The following OPCML variants were observed in gnomAD, a reference collection of about 807,000 sequenced individuals.
OPCML encodes the protein opioid binding protein/cell adhesion molecule like, also known as opioid-binding protein/cell adhesion molecule.
In OPCML, 13 loss-of-function variants were observed where a neutral mutation model predicts 37.8. The ratio of observed to expected loss-of-function variants is 0.34; its 90% confidence interval spans 0.22 to 0.55. OPCML has a LOEUF of 0.55. Among genes scored for constraint, OPCML ranks in the 20% least tolerant of loss-of-function variants. The pLI is 0.91. For missense variants in OPCML, 341 were observed against 435.6 expected, an observed-to-expected ratio of 0.78 and a Z score of 1.93; for synonymous variants, 176 against 168.8, an observed-to-expected ratio of 1.04 and a Z score of -0.33.
chr11:133,142,701 T>C (rs1949840732), intron 1 of OPCML, among the ~76,000 whole-genome samples: 1 of 151,996 alleles, frequency 6.6e-6, no homozygotes, highest in South Asian at 2.1e-4. Flanking sequence ...CACTGAATGG[T>C]TGATAAATAA....
chr11:133,460,174 A>G (rs1946826663), intron 1 of OPCML, among the ~76,000 whole-genome samples: 1 of 151,988 alleles, frequency 6.6e-6, no homozygotes, highest in African/African-American at 2.4e-5. Context: ...ACAAAAATAA[A>G]TCATGACATA....
intron 2 of OPCML, among the ~76,000 whole-genome samples, chr11:132,785,267 A>T (rs1032732965): frequency 6.6e-6 from 1 of 152,206 alleles, no homozygotes; most frequent in Non-Finnish European, 1.5e-5. Flanking sequence ...GAGCAGTTCC[A>T]GGCAACAGGG....
intron 1 of OPCML, among the ~76,000 whole-genome samples, chr11:133,283,269 T>C (rs1942209470): frequency 6.6e-6 from 1 of 152,168 alleles, no homozygotes; most frequent in African/African-American, 2.4e-5. Flanking sequence ...GGGCAGATCC[T>C]GCATGAATGG....
intron 1 of OPCML, chr11:133,008,338 G>C: frequency 1.0e-6 from 1 of 985,380 alleles, no homozygotes; most frequent in South Asian, 4.7e-5. Context: ...AAATGGGAAA[G>C]AGACCTGAAA....
intron 2 of OPCML, among the ~76,000 whole-genome samples, chr11:132,678,154 A>G (rs1005595007): frequency 7.9e-5 from 12 of 152,236 alleles, no homozygotes; most frequent in Non-Finnish European, 1.5e-4. Context: ...GATGCTCCAC[A>G]TCATATATTA....
At chr11:132,804,101 C>T (rs1938851357) in intron 2 of OPCML, among the ~76,000 whole-genome samples, 1 of 152,230 alleles carries the variant, frequency 6.6e-6, no homozygotes, top group African/African-American at 2.4e-5. Flanking sequence ...AAAGAGCAGG[C>T]AACACAAGAC....
rs548314327 is a variant in OPCML, at chr11:132,503,382, A to G, written c.505+25679T>C. Among the ~76,000 whole-genome samples the G allele has an allele frequency of 1.5e-4, 23 of 152,300 alleles. No individual in the cohort carries two copies. The South Asian group carries it at 4.1e-3, about 27-fold the overall frequency. On this transcript the variant is annotated intron_variant, in intron 4 of 7. Coordinates refer to ENST00000524381, the MANE Select transcript of OPCML (RefSeq NM_001012393.5). ...GTAGTAATTACCACAACTTCTACTG[A>G]TAGAAGGTATTGATCACTTATGCAT...
intron 1 of OPCML, among the ~76,000 whole-genome samples, chr11:132,994,896 C>T (rs1045522141): frequency 1.1e-4 from 16 of 152,312 alleles, no homozygotes; most frequent in African/African-American, 3.6e-4. Context: ...ATTTAATGTG[C>T]ACAGCACCCC....
intron 2 of OPCML, among the ~76,000 whole-genome samples, chr11:132,829,390 T>C (rs1940551736): frequency 1.3e-5 from 2 of 152,212 alleles, no homozygotes; most frequent in Non-Finnish European, 2.9e-5. Flanking sequence ...GTGAGGAAAC[T>C]GAGCATGAAT....
chr11:133,200,291 A>G (rs754292905), intron 1 of OPCML, among the ~76,000 whole-genome samples: 2 of 152,060 alleles, frequency 1.3e-5, no homozygotes, highest in African/African-American at 2.4e-5. Context: ...ATTTATATGC[A>G]CCTGTCTCCC....
At chr11:132,805,609 G>A (rs887318073) in intron 2 of OPCML, among the ~76,000 whole-genome samples, 7 of 152,150 alleles carry the variant, frequency 4.6e-5, no homozygotes, top group Admixed American at 4.6e-4. Context: ...GAAAGACAGT[G>A]GAACAACCTC....
At chr11:133,204,863 T>C (rs959051437) in intron 1 of OPCML, among the ~76,000 whole-genome samples, 2 of 35,060 alleles carry the variant, frequency 5.7e-5, no homozygotes, top group Non-Finnish European at 9.7e-5. Context: ...TATATATATA[T>C]ATGTGTATAT....
intron 2 of OPCML, among the ~76,000 whole-genome samples, chr11:132,751,035 G>A (rs1286986825): frequency 6.6e-6 from 1 of 152,172 alleles, no homozygotes; most frequent in Non-Finnish European, 1.5e-5. Context: ...ATATTATCAA[G>A]TGGTGTCTCT....
At chr11:133,411,380 A>G (rs967592694) in intron 1 of OPCML, among the ~76,000 whole-genome samples, 5 of 152,194 alleles carry the variant, frequency 3.3e-5, no homozygotes, top group African/African-American at 1.2e-4. Flanking sequence ...AAACATGATC[A>G]AGCATGCCAG....
intron 3 of OPCML, among the ~76,000 whole-genome samples, chr11:132,609,494 A>C (rs1463116523): frequency 1.3e-5 from 2 of 151,960 alleles, no homozygotes; most frequent in African/African-American, 4.8e-5. Context: ...AAGCCACACC[A>C]AGCAACCCAC....
At chr11:132,776,980 C>A (rs1178619720) in intron 2 of OPCML, among the ~76,000 whole-genome samples, 2 of 152,054 alleles carry the variant, frequency 1.3e-5, no homozygotes, top group Non-Finnish European at 2.9e-5. Context: ...TCCACAGAGG[C>A]AAAGTAACAA....
At chr11:133,268,825 T>C (rs899360811) in intron 1 of OPCML, among the ~76,000 whole-genome samples, 2 of 152,224 alleles carry the variant, frequency 1.3e-5, no homozygotes, top group Non-Finnish European at 2.9e-5. Flanking sequence ...ATTTTTCCTA[T>C]AACATAGAAT....
intron 1 of OPCML, among the ~76,000 whole-genome samples, chr11:133,059,670 C>G (rs897741235): frequency 1.3e-5 from 2 of 152,220 alleles, no homozygotes; most frequent in African/African-American, 2.4e-5. Flanking sequence ...ACCCAGAACA[C>G]TTCTGCTGCA....
chr11:132,893,437 GC>G (rs1351666429), intron 2 of OPCML, among the ~76,000 whole-genome samples: 1 of 152,168 alleles, frequency 6.6e-6, no homozygotes, highest in Non-Finnish European at 1.5e-5. Flanking sequence ...CATCACCTGT[GC>G]TTTTGTTTGG....
Sources: allele counts gnomAD v4.1 joint callset (sites outside exome capture counted in the v4.1 genomes callset), GRCh38; gene constraint gnomAD v4.1.1; transcripts MANE v1.5; gene names NCBI Gene and HGNC (gene_info 2026-07-23, HGNC 2026-07-21).